Variants in KCNT2 observed in about 807,000 individuals in gnomAD.
KCNT2 encodes the protein potassium channel subfamily T member 2.
KCNT2 carries 67 observed loss-of-function variants against 153.8 expected under a neutral mutation model. The ratio of observed to expected loss-of-function variants is 0.44; its 90% CI spans 0.36 to 0.53. KCNT2 has a LOEUF of 0.53. Among genes scored for constraint, KCNT2 ranks in the 20% least tolerant of loss-of-function variants. The pLI, the probability that KCNT2 is intolerant of heterozygous loss-of-function variation, is 0.00. For missense variants in KCNT2, 975 were observed against 1,354.8 expected (o/e 0.72, Z 4.40); for synonymous variants, 500 against 458.8 (o/e 1.09, Z -1.15).
rs889031225 is a variant in KCNT2 at position 196,289,347 on chromosome 1, A to G, written c.2596-3589T>C. Among the ~76,000 whole-genome samples the G allele has an allele frequency of 5.3e-5, 8 of 152,158 alleles. No individual in the cohort carries two copies. In the South Asian group the frequency reaches 8.3e-4, roughly 16 times the overall value. On this transcript the variant is annotated intron_variant, in intron 22 of 27. Transcript: ENST00000294725. ...TTTTGAAACCTATTACACCTTGTTT[A>G]TGTTTTTAATTTATTAATAATCTAT...
intron 16 of KCNT2, among the ~76,000 whole-genome samples, chr1:196,335,235 C>T (rs927797723): frequency 2.0e-5 from 3 of 152,054 alleles, no homozygotes; most frequent in Non-Finnish European, 2.9e-5. Context: ...TACAGTCATG[C>T]ATTGCTTAAA....
chr1:196,531,974 C>T (rs548534697), intron 1 of KCNT2, among the ~76,000 whole-genome samples: 1 of 151,956 alleles, frequency 6.6e-6, no homozygotes, highest in Non-Finnish European at 1.5e-5. Context: ...TCTATAGCTA[C>T]CAAAACACAC....
intron 21 of KCNT2, among the ~76,000 whole-genome samples, chr1:196,313,748 T>C (rs2148011729): frequency 6.6e-6 from 1 of 151,754 alleles, no homozygotes; most frequent in East Asian, 1.9e-4. Flanking sequence ...AATGTCATGA[T>C]AGGGCATAAG....
At chr1:196,444,071 G>C (rs528131565) in intron 8 of KCNT2, among the ~76,000 whole-genome samples, 1 of 151,548 alleles carries the variant, frequency 6.6e-6, no homozygotes, top group Non-Finnish European at 1.5e-5. Context: ...GTGGCTTACA[G>C]AAGAAATGAG....
intron 4 of KCNT2, among the ~76,000 whole-genome samples, chr1:196,480,769 T>C (rs1014186765): frequency 2.2e-5 from 3 of 135,700 alleles, no homozygotes; most frequent in Non-Finnish European, 4.6e-5. Context: ...GGCAGGAGAA[T>C]GGCGTGAACC....
At chr1:196,291,171 ACT>A (rs1397099999) in intron 22 of KCNT2, among the ~76,000 whole-genome samples, 2 of 151,630 alleles carry the variant, frequency 1.3e-5, no homozygotes, top group Non-Finnish European at 2.9e-5. Context: ...GCAGGTCAAA[ACT>A]CTGTTTCAAA....
chr1:196,290,223 T>A (rs189295368), intron 22 of KCNT2, among the ~76,000 whole-genome samples: 29 of 152,204 alleles, frequency 1.9e-4, no homozygotes, highest in African/African-American at 6.7e-4. Flanking sequence ...ATCTAGTGGT[T>A]TTTGTCAGCA....
At chr1:196,330,192 A>T (rs1440438624) in intron 18 of KCNT2, among the ~76,000 whole-genome samples, 1 of 151,400 alleles carries the variant, frequency 6.6e-6, no homozygotes, top group East Asian at 1.9e-4. Flanking sequence ...TTCTTCCTCA[A>T]GAGTGACAGT....
chr1:196,238,858 G>T (rs1032943313), intron 26 of KCNT2, among the ~76,000 whole-genome samples: 3 of 151,802 alleles, frequency 2.0e-5, no homozygotes, highest in African/African-American at 7.3e-5. Context: ...TAAAAAGTGA[G>T]ATTTTCTAAA....
At chr1:196,285,789 T>A in intron 22 of KCNT2, 31 bp from the exon 23 acceptor site, 1 of 1,306,388 alleles carries the variant, frequency 7.7e-7, no homozygotes, top group Non-Finnish European at 1.1e-6. Flanking sequence ...GAAAAATTTG[T>A]GAGCATTCCA....
intron 8 of KCNT2, among the ~76,000 whole-genome samples, chr1:196,443,860 C>A (rs1332817998): frequency 6.6e-6 from 1 of 151,516 alleles, no homozygotes; most frequent in African/African-American, 2.4e-5. Context: ...GATTAGAGTT[C>A]TTCACAAGCT....
At chr1:196,564,938 C>T (rs907739065) in intron 1 of KCNT2, among the ~76,000 whole-genome samples, 2 of 151,600 alleles carry the variant, frequency 1.3e-5, no homozygotes, top group Admixed American at 6.6e-5. Context: ...GGATATCACC[C>T]CTTATGCATA....
chr1:196,582,372 A>G (rs181929431), intron 1 of KCNT2: 1 of 154,256 alleles, frequency 6.5e-6, no homozygotes, highest in African/African-American at 2.4e-5. Context: ...TTAAGGAGCT[A>G]AAGATCCATG....
chr1:196,292,668 G>A (rs532549226), intron 22 of KCNT2, among the ~76,000 whole-genome samples: 2 of 152,100 alleles, frequency 1.3e-5, no homozygotes, highest in African/African-American at 2.4e-5. Context: ...TTAGCCGGGC[G>A]CCTTGGCGGG....
intron 1 of KCNT2, among the ~76,000 whole-genome samples, chr1:196,581,527 A>G (rs1225207092): frequency 6.6e-6 from 1 of 151,956 alleles, no homozygotes; most frequent in Non-Finnish European, 1.5e-5. Context: ...TTATTCCCTG[A>G]GGCTATTCCA....
chr1:196,265,129 T>C (rs1657414626), intron 25 of KCNT2, among the ~76,000 whole-genome samples: 1 of 152,186 alleles, frequency 6.6e-6, no homozygotes, highest in Non-Finnish European at 1.5e-5. Context: ...TTTGGGATGG[T>C]GGTTGGGTAT....
At chr1:196,396,342 T>G (rs1670934806) in intron 13 of KCNT2, among the ~76,000 whole-genome samples, 1 of 151,592 alleles carries the variant, frequency 6.6e-6, no homozygotes, top group Non-Finnish European at 1.5e-5. Context: ...AAACCTTATA[T>G]ACAAAGATGG....
chr1:196,239,377 T>C (rs1314700173), intron 26 of KCNT2, among the ~76,000 whole-genome samples: 5 of 151,950 alleles, frequency 3.3e-5, no homozygotes, highest in Admixed American at 6.6e-5. Context: ...AAATAAATTA[T>C]ATGGAGAAAA....
chr1:196,454,534 A>G (rs1266694547), intron 8 of KCNT2, among the ~76,000 whole-genome samples: 1 of 151,930 alleles, frequency 6.6e-6, no homozygotes, highest in Non-Finnish European at 1.5e-5. Context: ...GTGTTGCTGC[A>G]AAAGACATGA....
Sources: gnomAD v4.1 joint callset for allele counts (sites outside exome capture counted in the v4.1 genomes callset) on GRCh38, gnomAD v4.1.1 for gene constraint, MANE v1.5 for transcripts, NCBI Gene and HGNC (gene_info 2026-07-23, HGNC 2026-07-21) for gene names.